MYOF: variants seen among roughly 807,000 people sequenced by gnomAD.
MYOF encodes myoferlin.
In MYOF, 244 loss-of-function variants were observed where a neutral mutation model predicts 284.2. That is an observed-to-expected ratio of 0.86 (90% CI 0.77 to 0.95). The LOEUF is 0.95. Ranked by LOEUF, MYOF falls within the 40% of genes least tolerant of loss-of-function variation. The pLI, the probability that MYOF is intolerant of heterozygous loss-of-function variation, is 0.00. For missense variants in MYOF, 2,496 were observed against 2,560.6 expected, an observed-to-expected ratio of 0.97 and a Z score of 0.54; for synonymous variants, 904 against 919.7, an observed-to-expected ratio of 0.98 and a Z score of 0.31.
At chr10:93,330,482 C>T (rs1057301662) in intron 43 of MYOF, among the ~76,000 whole-genome samples, 28 of 152,146 alleles carry the variant, frequency 1.8e-4, no homozygotes, top group Admixed American at 1.8e-3. Context: ...TGTGATTCAC[C>T]ATAGGGTGTG....
At chr10:93,397,149 G>T in intron 15 of MYOF, 98 bp downstream of exon 15, 2 of 1,105,958 alleles carry the variant, frequency 1.8e-6, no homozygotes, top group Non-Finnish European at 2.6e-6. Flanking sequence ...CCTCTGGAAG[G>T]AAAGCAAAAT....
intron 3 of MYOF, among the ~76,000 whole-genome samples, chr10:93,433,173 T>C (rs1848950250): frequency 6.6e-6 from 1 of 152,182 alleles, no homozygotes; most frequent in Non-Finnish European, 1.5e-5. Flanking sequence ...TTTATTTATT[T>C]TGAGATGGAG....
At chr10:93,396,927 C>T (rs1359509913) in intron 15 of MYOF, among the ~76,000 whole-genome samples, 1 of 152,090 alleles carries the variant, frequency 6.6e-6, no homozygotes, top group African/African-American at 2.4e-5. Flanking sequence ...GGTGATTCTT[C>T]CCAAGAAATG....
At chr10:93,377,194 C>G (rs1025451457) in intron 22 of MYOF, 129 bp downstream of exon 22, 1 of 695,814 alleles carries the variant, frequency 1.4e-6, no homozygotes, top group Non-Finnish European at 2.4e-6. Context: ...GGACTTTTTA[C>G]GAAGTTTGAA....
At chr10:93,342,445 A>G (rs4917747) in intron 38 of MYOF, among the ~76,000 whole-genome samples, 36,252 of 152,170 alleles carry the variant, frequency 0.24, 6,119 homozygotes, top group East Asian at 0.89. Context: ...GTGTACCTCA[A>G]TTAGATGTTA....
chr10:93,434,449 A>C (rs1371436915), intron 3 of MYOF, among the ~76,000 whole-genome samples: 1 of 146,330 alleles, frequency 6.8e-6, no homozygotes, highest in African/African-American at 2.5e-5. Flanking sequence ...AAAAAAAAAC[A>C]AAAAAGAATC....
intron 35 of MYOF, 124 bp from the exon 36 acceptor site, chr10:93,350,093 A>C (rs1464398251): frequency 5.2e-6 from 5 of 968,528 alleles, no homozygotes; most frequent in Non-Finnish European, 7.5e-6. Context: ...TATCCTAGTA[A>C]GCTTGTAGGT....
intron 38 of MYOF, 145 bp from the exon 39 acceptor site, chr10:93,340,309 G>T: frequency 2.6e-6 from 2 of 761,876 alleles, no homozygotes; most frequent in Non-Finnish European, 2.1e-6. Context: ...ATTTCAATGG[G>T]CTAAATTATT....
intron 7 of MYOF, among the ~76,000 whole-genome samples, chr10:93,407,963 C>T (rs546377209): frequency 1.3e-5 from 2 of 152,118 alleles, no homozygotes; most frequent in East Asian, 3.9e-4. Context: ...TCATAAGGGT[C>T]GAAGGGATCA....
chr10:93,389,214 A>T, intron 17 of MYOF, 60 bp from the exon 18 acceptor site: 1 of 1,535,638 alleles, frequency 6.5e-7, no homozygotes, highest in Non-Finnish European at 8.8e-7. Context: ...ATTGAAATAA[A>T]TATTAGTTAT....
rs1436067312 is a variant in MYOF, at chr10:93,471,099, G to A, written c.88+11008C>T. Among the ~76,000 whole-genome samples, 9 of 152,150 alleles carry A rather than the reference G, an allele frequency of 5.9e-5. No homozygotes were observed. In the East Asian group the frequency reaches 1.7e-3, roughly 29 times the overall value. Reference sequence around the variant, plus strand: ...TAACAAACGGAGGTGAAATGAAGTGGACCTCGCCCTGCCAGTCAAATATTA... The same window carrying A: ...TAACAAACGGAGGTGAAATGAAGTGAACCTCGCCCTGCCAGTCAAATATTA... On this transcript the variant is annotated intron_variant, in intron 1 of 53. Transcript: ENST00000359263.
At chr10:93,355,889 C>T (rs1222902549) in intron 30 of MYOF, among the ~76,000 whole-genome samples, 153 bp from the exon 31 acceptor site, 1 of 152,046 alleles carries the variant, frequency 6.6e-6, no homozygotes. Context: ...TGAATAAGTC[C>T]CAGGATAGCA....
intron 3 of MYOF, among the ~76,000 whole-genome samples, chr10:93,443,468 C>CTGTGTGTGTGTGTGTGTG (rs752810849): frequency 3.5e-5 from 4 of 114,628 alleles, no homozygotes; most frequent in South Asian, 6.7e-4. Flanking sequence ...CTCTCTCTCT[C>CTGTGTGTGTGTGTGTGTG]TCTCTGTGTG....
At chr10:93,381,760 G>C (rs559047279) in intron 19 of MYOF, among the ~76,000 whole-genome samples, 1 of 152,274 alleles carries the variant, frequency 6.6e-6, no homozygotes, top group African/African-American at 2.4e-5. Flanking sequence ...TTTTGGGCTG[G>C]GTACGGTGGC....
At chr10:93,443,672 G>A (rs1206432431) in intron 3 of MYOF, among the ~76,000 whole-genome samples, 1 of 152,008 alleles carries the variant, frequency 6.6e-6, no homozygotes, top group African/African-American at 2.4e-5. Flanking sequence ...GAACTCTCAG[G>A]GCTCACCTCA....
intron 32 of MYOF, 48 bp downstream of exon 32, chr10:93,353,763 T>C (rs1844643179): frequency 7.0e-7 from 1 of 1,426,300 alleles, no homozygotes; most frequent in Non-Finnish European, 9.7e-7. Flanking sequence ...AGAAGCAAAA[T>C]AGCATGCTAT....
Position 93,443,472 on chromosome 10 carries a change from C to CTCTG in MYOF, c.236+8577_236+8578insCAGA, listed in dbSNP as rs1201572994. On this transcript the variant is annotated intron_variant, in intron 3 of 53. Transcript: ENST00000359263. ...TTCTTCTCTCTCTCTCTCTCTCTCTCTGTGTGTGTGTGTGTGTGTGTGTGT... is the reference window on the plus strand; with the variant it reads ...TTCTTCTCTCTCTCTCTCTCTCTCTCTCTGTGTGTGTGTGTGTGTGTGTGTGTGT... Among the ~76,000 whole-genome samples the CTCTG allele has an allele frequency of 5.5e-3, 752 of 137,200 alleles. 2 individuals are homozygous for CTCTG. The highest frequency in any genetic ancestry group is 8.8e-3 in the East Asian group (42 of 4,758). The allele number at this position is 137,200 out of a possible 152,430, so 90.0% of individuals were successfully genotyped here.
rs1312355596 is a variant in MYOF at position 93,310,612 on chromosome 10, T to C, written c.5921A>G (p.Asn1974Ser). The change falls in exon 52 of 54, where the codon AAC (asparagine) becomes AGC (serine). Residue 1974 changes from asparagine (N) to serine (S), a missense_variant. By Grantham distance (46) the Asn-to-Ser change is conservative (BLOSUM62 1). Around this residue, in one of 3 missense-constraint regions of MYOF, gnomAD observed 2,436 missense variants for 2,480.7 expected, o/e 0.98. Transcript: ENST00000359263. ...GKVEMTLEIL[N>S]EKEADERPAG... ...TGGCCTCTCGTCGGCCTCCTTCTCG[T>C]TGAGGATTTCCAATGTCATCTCCAC... 1.2e-6 allele frequency: 2 copies of C among 1,614,214 alleles called. No individual in the cohort carries two copies.
intron 4 of MYOF, among the ~76,000 whole-genome samples, chr10:93,430,125 G>A (rs1258030071): frequency 6.6e-6 from 1 of 151,412 alleles, no homozygotes; most frequent in Non-Finnish European, 1.5e-5. Context: ...TAGTAGAGAT[G>A]GGGTTTCACC....
Sources: gnomAD v4.1 joint callset for allele counts (sites outside exome capture counted in the v4.1 genomes callset) on GRCh38, gnomAD v4.1.1 for gene constraint, gnomAD v4.1.1 regional missense constraint, MANE v1.5 for transcripts, NCBI Gene and HGNC (gene_info 2026-07-23, HGNC 2026-07-21) for gene names.